The following SMIM35 variants were observed in gnomAD, a reference collection of about 807,000 sequenced individuals.
The protein encoded by SMIM35 is small integral membrane protein 35, also known as TMPRSS4 antisense RNA 1 (non-protein coding).
intron 1 of SMIM35, among the ~76,000 whole-genome samples, chr11:118,053,332 ACACAC>A (rs1944251846): frequency 6.7e-6 from 1 of 150,188 alleles, no homozygotes; most frequent in Admixed American, 6.8e-5. Context: ...ACACACACAC[ACACAC>A]ACACACACAC....
chr11:118,066,284 C>T (rs1043065198), intron 1 of SMIM35, among the ~76,000 whole-genome samples: 2 of 152,112 alleles, frequency 1.3e-5, no homozygotes, highest in South Asian at 2.1e-4. Context: ...CCAAGTCCAA[C>T]GTGCATGTGA....
rs1390512461 is a variant in SMIM35 at position 118,069,404 on chromosome 11, G to A, written c.7+17347C>T. ...GTCTCTAACCCCCTCTCCCTGCCTCGCCCCCACACTACTGCCAGAATTATC... is the reference window on the plus strand; with the variant it reads ...GTCTCTAACCCCCTCTCCCTGCCTCACCCCCACACTACTGCCAGAATTATC... On this transcript the variant is annotated intron_variant, in intron 1 of 4. Coordinates refer to ENST00000689828, the MANE Select transcript of SMIM35 (RefSeq NM_001394165.1). 5.3e-5 allele frequency among the ~76,000 whole-genome samples: 8 copies of A among 151,670 alleles called. No individual in the cohort carries two copies. In the East Asian group the frequency reaches 1.2e-3, roughly 22 times the overall value.
chr11:118,066,184 G>C (rs1041580165), intron 1 of SMIM35, among the ~76,000 whole-genome samples: 4 of 152,102 alleles, frequency 2.6e-5, no homozygotes, highest in Non-Finnish European at 5.9e-5. Context: ...ACCTTGGTAG[G>C]TGGTACTATT....
intron 1 of SMIM35, among the ~76,000 whole-genome samples, chr11:118,031,434 C>CA (rs553079188): frequency 7.2e-5 from 11 of 152,064 alleles, no homozygotes; most frequent in Non-Finnish European, 1.2e-4. Flanking sequence ...GCCACAGCAA[C>CA]AATAAGGAAG....
At chr11:118,079,141 A>G (rs571261487) in intron 1 of SMIM35, among the ~76,000 whole-genome samples, 1 of 152,196 alleles carries the variant, frequency 6.6e-6, no homozygotes, top group South Asian at 2.1e-4. Flanking sequence ...GCCAATCTCC[A>G]CGGTGTGGTC....
At chr11:118,071,381 A>G (rs553265974) in intron 1 of SMIM35, among the ~76,000 whole-genome samples, 32 of 152,304 alleles carry the variant, frequency 2.1e-4, no homozygotes, top group African/African-American at 7.7e-4. Context: ...GTCTTAGGAG[A>G]AGGACTGCTA....
intron 3 of SMIM35, 116 bp downstream of exon 3, chr11:118,014,592 G>T: frequency 2.5e-6 from 1 of 397,970 alleles, no homozygotes; most frequent in Non-Finnish European, 4.4e-6. Context: ...TTTCTTAGGG[G>T]CATGAACAGA....
intron 1 of SMIM35, among the ~76,000 whole-genome samples, chr11:118,039,398 T>G (rs552348648): frequency 3.9e-5 from 6 of 152,132 alleles, no homozygotes; most frequent in Non-Finnish European, 7.4e-5. Context: ...AATGGCCTCT[T>G]TAGGGCTGTA....
chr11:118,027,208 C>T (rs3016265), intron 1 of SMIM35, among the ~76,000 whole-genome samples: 18,564 of 125,510 alleles, frequency 0.15, 1,627 homozygotes, highest in African/African-American at 0.18. Context: ...TTTGTATTTT[C>T]AGTAGAGACG....
intron 1 of SMIM35, among the ~76,000 whole-genome samples, chr11:118,068,626 T>A (rs141428942): frequency 1.3e-5 from 2 of 152,140 alleles, no homozygotes; most frequent in African/African-American, 4.8e-5. Flanking sequence ...GGGAATGAGC[T>A]GGGGCAAGGA....
chr11:118,028,951 G>T, intron 1 of SMIM35: 1 of 398,286 alleles, frequency 2.5e-6, no homozygotes, highest in Non-Finnish European at 5.0e-6. Flanking sequence ...AGGAGGAGGA[G>T]AAATTCGTGG....
chr11:118,040,354 G>A (rs1161029070), intron 1 of SMIM35, among the ~76,000 whole-genome samples: 1 of 152,208 alleles, frequency 6.6e-6, no homozygotes, highest in African/African-American at 2.4e-5. Context: ...CTTGAAGGCA[G>A]CAAGAGAAAA....
intron 1 of SMIM35, among the ~76,000 whole-genome samples, chr11:118,068,214 G>A (rs907386721): frequency 2.2e-4 from 33 of 152,100 alleles, no homozygotes; most frequent in Non-Finnish European, 1.6e-4. Context: ...TTTCCCCAGC[G>A]CACACAGCCT....
At chr11:118,028,066 C>G (rs1473564358) in intron 1 of SMIM35, among the ~76,000 whole-genome samples, 2 of 152,266 alleles carry the variant, frequency 1.3e-5, no homozygotes. Flanking sequence ...CCCTGCTTCG[C>G]TGTCCCTCTG....
chr11:118,062,647 G>GC (rs1944408324), intron 1 of SMIM35, among the ~76,000 whole-genome samples: 1 of 152,068 alleles, frequency 6.6e-6, no homozygotes, highest in African/African-American at 2.4e-5. Flanking sequence ...CCCTCTCCTG[G>GC]CCCTCCCTCC....
At chr11:118,031,651 A>G (rs189175370) in intron 1 of SMIM35, among the ~76,000 whole-genome samples, 1 of 152,322 alleles carries the variant, frequency 6.6e-6, no homozygotes. Flanking sequence ...ATTAATTAAA[A>G]GTTTACTGCA....
At chr11:118,020,577 G>A (rs779925706) in intron 1 of SMIM35, among the ~76,000 whole-genome samples, 3 of 152,048 alleles carry the variant, frequency 2.0e-5, no homozygotes, top group Non-Finnish European at 4.4e-5. Flanking sequence ...TTTATAATTT[G>A]TCCCTTAAAG....
chr11:118,068,598 C>A (rs992036258), intron 1 of SMIM35, among the ~76,000 whole-genome samples: 9 of 152,156 alleles, frequency 5.9e-5, no homozygotes, highest in African/African-American at 1.7e-4. Context: ...CTGAACCCAC[C>A]CCTCTGCAGG....
At chr11:118,055,375 G>A (rs1944293320) in intron 1 of SMIM35, among the ~76,000 whole-genome samples, 1 of 152,080 alleles carries the variant, frequency 6.6e-6, no homozygotes, top group Non-Finnish European at 1.5e-5. Flanking sequence ...GGTTTCCTAA[G>A]GACCCCACCA....
Sources: gnomAD v4.1 joint callset for allele counts (sites outside exome capture counted in the v4.1 genomes callset) on GRCh38, gnomAD v4.1.1 for gene constraint, MANE v1.5 for transcripts, NCBI Gene and HGNC (gene_info 2026-07-23, HGNC 2026-07-21) for gene names.